Variants in XXYLT1 observed in about 807,000 individuals in gnomAD.
The protein encoded by XXYLT1 is UDP-xylose:alpha-xyloside alpha-1,3-xylosyltransferase.
In XXYLT1, 20 loss-of-function variants were observed where a neutral mutation model predicts 28.9. The observed-to-expected ratio is 0.69, with a 90% confidence interval of 0.49 to 1.00. The LOEUF (loss-of-function observed/expected upper bound fraction) is 1.00, where lower values mean the gene tolerates loss of function less well. XXYLT1 is among the 50% of genes least tolerant of loss of function. The pLI is 0.00. For missense variants in XXYLT1, 542 were observed against 560.1 expected (o/e 0.97, Z 0.33); for synonymous variants, 257 against 253.8 (o/e 1.01, Z -0.12).
At chr3:195,075,729 T>C (rs1241142768) in intron 3 of XXYLT1, among the ~76,000 whole-genome samples, 2 of 152,232 alleles carry the variant, frequency 1.3e-5, no homozygotes, top group African/African-American at 4.8e-5. Context: ...GGCAGGCATG[T>C]GCTCACCCTC....
Position 195,270,657 on chromosome 3 carries a change from G to C in XXYLT1, c.402C>G (p.His134Gln). 1 of 1,579,424 alleles carries C rather than the reference G, an allele frequency of 6.3e-7. No homozygotes were observed. The highest frequency in any genetic ancestry group is 8.6e-7 in the Non-Finnish European group (1 of 1,168,374). The change falls in exon 1 of 4, where the codon CAC (histidine) becomes CAG (glutamine). Residue 134 changes from histidine to glutamine, a missense_variant. Coordinates refer to ENST00000310380, the MANE Select transcript of XXYLT1 (RefSeq NM_152531.5). ...TCACGAAGTGAAGGTTAAGCACCTC[G>C]TGCGCCTCGAACTTGGCGAGGCGCA... is the stretch of plus-strand genomic sequence containing the variant. ...SLLRLAKFEAHEVLNLHFVSE... is the reference protein window; with the variant it reads ...SLLRLAKFEAQEVLNLHFVSE...
At chr3:195,103,409 A>AC (rs1165209521) in intron 3 of XXYLT1, among the ~76,000 whole-genome samples, 1 of 147,744 alleles carries the variant, frequency 6.8e-6, no homozygotes, top group East Asian at 2.0e-4. Flanking sequence ...TGCGTCCATC[A>AC]CCCCACGCCA....
intron 3 of XXYLT1, among the ~76,000 whole-genome samples, chr3:195,112,527 C>G (rs1560102736): frequency 7.1e-6 from 1 of 141,318 alleles, no homozygotes; most frequent in African/African-American, 2.6e-5. Context: ...CACACACACA[C>G]AGAGCCCCCA....
chr3:195,156,309 T>A, intron 3 of XXYLT1, 140 bp downstream of exon 3: 1 of 1,393,570 alleles, frequency 7.2e-7, no homozygotes, highest in Non-Finnish European at 9.6e-7. Context: ...CTGTAAGCAA[T>A]AAGTACCAAT....
At chr3:195,088,186 G>A (rs535622523) in intron 3 of XXYLT1, among the ~76,000 whole-genome samples, 9 of 151,780 alleles carry the variant, frequency 5.9e-5, no homozygotes, top group Non-Finnish European at 2.9e-5. Flanking sequence ...GCCCACCACA[G>A]CTCAAGGAGG....
chr3:195,068,303 G>A lies in XXYLT1; in HGVS notation c.*1412C>T, dbSNP rs2720930. 74,576 of 151,974 alleles carry A rather than the reference G, an allele frequency of 0.49. 21,139 individuals carry two copies. Among genetic ancestry groups the A allele is most frequent in the East Asian group, 0.95 (4,924 of 5,170 alleles). The allele number at this position is 151,974 out of a possible 1,614,324, so 9.4% of individuals were successfully genotyped here. On this transcript the variant is annotated 3_prime_UTR_variant, in exon 4 of 4. Coordinates refer to ENST00000310380, the MANE Select transcript of XXYLT1 (RefSeq NM_152531.5). The stretch of plus-strand genomic sequence containing the variant: ...ACCATGTTCTCAAAGATGATTTATT[G>A]GCTATCCTCACTCATGGGAAAAAGA...
intron 3 of XXYLT1, among the ~76,000 whole-genome samples, chr3:195,142,140 C>G (rs963250675): frequency 1.3e-5 from 2 of 152,186 alleles, no homozygotes; most frequent in Non-Finnish European, 2.9e-5. Flanking sequence ...CTCTTCCGAC[C>G]CTCCCTGCTC....
intron 3 of XXYLT1, among the ~76,000 whole-genome samples, chr3:195,110,219 T>TGTGGG (rs1717469266): frequency 6.9e-5 from 5 of 72,262 alleles, no homozygotes; most frequent in East Asian, 2.8e-4. Flanking sequence ...TGTGCGTGTG[T>TGTGGG]GGTGTATAAG....
rs1714669500 is a variant in XXYLT1 at position 195,069,463 on chromosome 3, A to G, written c.*252T>C. Reference sequence around the variant, plus strand: ...TCTTCAAGTGCTTGCTTCCCAGCCCACTGGACATGCGTGTCCTTTGTGTCG... The same window carrying G: ...TCTTCAAGTGCTTGCTTCCCAGCCCGCTGGACATGCGTGTCCTTTGTGTCG... On this transcript the variant is annotated 3_prime_UTR_variant, in exon 4 of 4. Coordinates refer to ENST00000310380, the MANE Select transcript of XXYLT1 (RefSeq NM_152531.5). The G allele has an allele frequency of 1.1e-5, 5 of 470,800 alleles. No individual in the cohort carries two copies. The highest frequency in any genetic ancestry group is 9.2e-5 in the South Asian group (2 of 21,712). 29.2% of individuals were successfully genotyped at this position (470,800 alleles called of 1,614,324 possible). A position where few individuals can be genotyped will look rare whatever the true frequency, so the allele number is the denominator to read the frequency against.
rs1192023103 is a variant in XXYLT1 at position 195,240,922 on chromosome 3, T to C, written c.505-14066A>G. Among the ~76,000 whole-genome samples, 1 of 152,082 alleles carries C rather than the reference T, an allele frequency of 6.6e-6. No homozygotes were observed. The highest frequency in any genetic ancestry group is 2.4e-5 in the African/African-American group (1 of 41,416). On this transcript the variant is annotated intron_variant, in intron 1 of 3. Transcript: ENST00000310380. The surrounding 1 kb of genome is among the most constrained non-coding windows in gnomAD (Gnocchi z 4.7). The stretch of plus-strand genomic sequence containing the variant: ...GCCTGGGCAACAGAGCAAGACTCCA[T>C]CTCAAATAAAAAAAAGAGTCACTAA...
chr3:195,109,943 AGT>A lies in XXYLT1; in HGVS notation c.786-39834_786-39833del, dbSNP rs1717423834. ...GGGGTATATGTGTGTGTGGTATATG[AGT>A]GTGCGTGCATGTGTGTGTGTTGTGT... On this transcript the variant is annotated intron_variant, in intron 3 of 3. Transcript: ENST00000310380. Among the ~76,000 whole-genome samples, 2 of 17,118 alleles carry A rather than the reference AGT, an allele frequency of 1.2e-4. 1 individual carries two copies. Among genetic ancestry groups the A allele is most frequent in the African/African-American group, 3.8e-4 (2 of 5,330 alleles). The allele number at this position is 17,118 out of a possible 152,430, so 11.2% of individuals were successfully genotyped here. A position where few individuals can be genotyped will look rare whatever the true frequency, so the allele number is the denominator to read the frequency against.
chr3:195,194,018 C>A (rs1449804916), intron 2 of XXYLT1, among the ~76,000 whole-genome samples: 2 of 151,734 alleles, frequency 1.3e-5, no homozygotes, highest in Non-Finnish European at 2.9e-5. Context: ...TAGATAATGA[C>A]ACAAAAAGCC....
intron 2 of XXYLT1, among the ~76,000 whole-genome samples, chr3:195,187,150 A>G (rs1010236704): frequency 2.0e-5 from 3 of 150,840 alleles, no homozygotes; most frequent in Admixed American, 6.6e-5. Flanking sequence ...AGGCAGGAGA[A>G]TGACTTGAAC....
At chr3:195,071,634 A>T (rs6801456) in intron 3 of XXYLT1, among the ~76,000 whole-genome samples, 1 of 152,110 alleles carries the variant, frequency 6.6e-6, no homozygotes, top group Non-Finnish European at 1.5e-5. Flanking sequence ...AAGCAAACTG[A>T]GATGCTGTCA....
chr3:195,151,046 C>CA (rs1720211145), intron 3 of XXYLT1, among the ~76,000 whole-genome samples: 1 of 152,046 alleles, frequency 6.6e-6, no homozygotes, highest in Admixed American at 6.5e-5. Context: ...TGGAGCCTCA[C>CA]AGAGACCTTG....
At chr3:195,099,505 A>G (rs1716646913) in intron 3 of XXYLT1, among the ~76,000 whole-genome samples, 1 of 152,226 alleles carries the variant, frequency 6.6e-6, no homozygotes, top group Non-Finnish European at 1.5e-5. Flanking sequence ...TGTGCAAGTT[A>G]GCAAAGACAG....
At position 195,115,996 on chromosome 3, in the gene XXYLT1, C is replaced by T. The variant is rs1429267231; in HGVS notation, c.785+40453G>A. Reference sequence around the variant, plus strand: ...TGAAGCATGCACTATTTGCCACAAACGGAGTCGGGCTATCTAAAACAGGTT... The same window carrying T: ...TGAAGCATGCACTATTTGCCACAAATGGAGTCGGGCTATCTAAAACAGGTT... On this transcript the variant is annotated intron_variant, in intron 3 of 3. Coordinates refer to ENST00000310380, the MANE Select transcript of XXYLT1 (RefSeq NM_152531.5). This position sits in a 1 kb window ranked among gnomAD's most constrained non-coding sequence, Gnocchi z 4.2. 1.3e-5 allele frequency among the ~76,000 whole-genome samples: 2 copies of T among 152,156 alleles called. No individual in the cohort carries two copies. Among genetic ancestry groups the T allele is most frequent in the Non-Finnish European group, 2.9e-5 (2 of 68,036 alleles).
intron 1 of XXYLT1, among the ~76,000 whole-genome samples, chr3:195,259,267 A>G (rs751453493): frequency 2.0e-5 from 3 of 152,228 alleles, no homozygotes; most frequent in Non-Finnish European, 2.9e-5. Flanking sequence ...CATTAACTTA[A>G]CAGCAGGCTT....
At chr3:195,220,747 C>T (rs1030399428) in intron 2 of XXYLT1, among the ~76,000 whole-genome samples, 1 of 152,216 alleles carries the variant, frequency 6.6e-6, no homozygotes, top group Non-Finnish European at 1.5e-5. Context: ...AGCCTCTGGG[C>T]TCCCACAGCC....
Sources: allele counts gnomAD v4.1 joint callset (sites outside exome capture counted in the v4.1 genomes callset), GRCh38; gene constraint gnomAD v4.1.1; non-coding constraint Gnocchi (gnomAD v3.1); transcripts MANE v1.5; gene names NCBI Gene and HGNC (gene_info 2026-07-23, HGNC 2026-07-21).